CLSTN2: variants seen among roughly 807,000 people sequenced by gnomAD.
CLSTN2 encodes the protein calsyntenin 2.
Under a neutral mutation model 101.2 loss-of-function variants are expected in CLSTN2, and 48 were observed. That is an observed-to-expected ratio of 0.47 (90% CI 0.38 to 0.60). The LOEUF is 0.60. Among genes scored for constraint, CLSTN2 ranks in the 20% least tolerant of loss-of-function variants. CLSTN2 has a pLI of 0.00. For synonymous variants in CLSTN2, 481 were observed against 463.6 expected, an observed-to-expected ratio of 1.04 and a Z score of -0.48; for missense variants, 1,160 against 1,238.2, an observed-to-expected ratio of 0.94 and a Z score of 0.95.
rs527398715 is a variant in CLSTN2 at position 140,370,286 on chromosome 3, G to A, written c.233-33343G>A. On this transcript the variant is annotated intron_variant, in intron 2 of 16. Coordinates refer to ENST00000458420, the MANE Select transcript of CLSTN2 (RefSeq NM_022131.3). ...CTCATGTCAGTCAAGGTGCAGAATC[G>A]CTGGTCCCAAGGAAGTCAGTCTTGT... Among the ~76,000 whole-genome samples the A allele has an allele frequency of 9.2e-5, 14 of 151,380 alleles. No homozygotes were observed. In the South Asian group the frequency reaches 1.7e-3, roughly 18 times the overall value.
Position 140,566,836 on chromosome 3 carries a change from C to T in CLSTN2, c.*583C>T, listed in dbSNP as rs1985271928. 6.5e-6 allele frequency: 1 copy of T among 153,874 alleles called. No homozygotes were observed. The highest frequency in any genetic ancestry group is 1.4e-5 in the Non-Finnish European group (1 of 69,198). 9.5% of individuals were successfully genotyped at this position (153,874 alleles called of 1,614,324 possible). On this transcript the variant is annotated 3_prime_UTR_variant, in exon 17 of 17. Coordinates refer to ENST00000458420, the MANE Select transcript of CLSTN2 (RefSeq NM_022131.3). ...TCTCTCTCTCTCTGTCTATCTAGTTCCCCAGCTTGGAGAGCCTTTCCCCTT... is the reference window on the plus strand; with the variant it reads ...TCTCTCTCTCTCTGTCTATCTAGTTTCCCAGCTTGGAGAGCCTTTCCCCTT...
In CLSTN2 at chr3:140,568,416, C is replaced by G. The variant is rs1407796411; in HGVS notation, c.*2163C>G. ...TCTCAGGGAAAAACACCAGAAGAAGCTGGGGTTTTATATTCATTGGATGGA... is the reference window on the plus strand; with the variant it reads ...TCTCAGGGAAAAACACCAGAAGAAGGTGGGGTTTTATATTCATTGGATGGA... On this transcript the variant is annotated 3_prime_UTR_variant, in exon 17 of 17. Transcript: ENST00000458420. 1 of 152,156 alleles carries G rather than the reference C, an allele frequency of 6.6e-6. No individual in the cohort carries two copies. The highest frequency in any genetic ancestry group is 1.5e-5 in the Non-Finnish European group (1 of 68,012). 9.4% of individuals were successfully genotyped at this position (152,156 alleles called of 1,614,324 possible).
chr3:140,088,535 A>C (rs1245743390), intron 1 of CLSTN2, among the ~76,000 whole-genome samples: 1 of 152,206 alleles, frequency 6.6e-6, no homozygotes, highest in African/African-American at 2.4e-5. Flanking sequence ...ACTGACATTT[A>C]AGGTCATTTG....
At chr3:140,478,399 G>C (rs943565341) in intron 8 of CLSTN2, among the ~76,000 whole-genome samples, 1 of 150,294 alleles carries the variant, frequency 6.7e-6, no homozygotes, top group East Asian at 1.9e-4. Flanking sequence ...TGTATGAAAT[G>C]CTATTCAACA....
intron 2 of CLSTN2, among the ~76,000 whole-genome samples, chr3:140,191,643 G>A (rs1209853372): frequency 1.3e-5 from 2 of 151,732 alleles, no homozygotes; most frequent in African/African-American, 2.4e-5. Context: ...TCAAAGAATT[G>A]GTCCATTTTG....
chr3:140,102,963 T>C (rs2008993587), intron 1 of CLSTN2, among the ~76,000 whole-genome samples: 1 of 152,188 alleles, frequency 6.6e-6, no homozygotes, highest in African/African-American at 2.4e-5. Flanking sequence ...TTCTTACCTT[T>C]CAAATAAGGA....
chr3:140,158,666 A>C (rs1159608026), intron 1 of CLSTN2, among the ~76,000 whole-genome samples: 1 of 152,208 alleles, frequency 6.6e-6, no homozygotes, highest in African/African-American at 2.4e-5. Context: ...CATTTTTCAC[A>C]GAATCGGAAA....
intron 1 of CLSTN2, among the ~76,000 whole-genome samples, chr3:140,162,122 G>A (rs1233765419): frequency 6.6e-6 from 1 of 152,100 alleles, no homozygotes; most frequent in African/African-American, 2.4e-5. Context: ...TATAACCTCT[G>A]GAAAACTGCT....
chr3:140,232,527 A>G (rs1201061540), intron 2 of CLSTN2, among the ~76,000 whole-genome samples: 1 of 151,982 alleles, frequency 6.6e-6, no homozygotes, highest in Non-Finnish European at 1.5e-5. Flanking sequence ...CACGACTTTG[A>G]TCACAGTTCC....
chr3:139,937,940 C>A (rs533647236), intron 1 of CLSTN2, among the ~76,000 whole-genome samples: 155 of 151,976 alleles, frequency 1.0e-3, no homozygotes, highest in African/African-American at 3.2e-3. Context: ...TATTTGATTA[C>A]AACAGAGACA....
At chr3:139,975,807 T>C (rs1935806958) in intron 1 of CLSTN2, among the ~76,000 whole-genome samples, 1 of 152,158 alleles carries the variant, frequency 6.6e-6, no homozygotes, top group Non-Finnish European at 1.5e-5. Flanking sequence ...CTCTCTGTCA[T>C]GCCACAGCCA....
chr3:140,464,575 G>A (rs945255742), intron 7 of CLSTN2, among the ~76,000 whole-genome samples: 1 of 152,210 alleles, frequency 6.6e-6, no homozygotes, highest in African/African-American at 2.4e-5. Flanking sequence ...GGAGTAGAAG[G>A]AGGAAGAAAC....
intron 2 of CLSTN2, among the ~76,000 whole-genome samples, chr3:140,380,803 T>C (rs2087972752): frequency 6.6e-6 from 1 of 152,234 alleles, no homozygotes; most frequent in South Asian, 2.1e-4. Flanking sequence ...ATGGCTGAAC[T>C]GTGCATTCCT....
chr3:140,199,805 T>A (rs924004213), intron 2 of CLSTN2, among the ~76,000 whole-genome samples: 1 of 152,204 alleles, frequency 6.6e-6, no homozygotes, highest in Non-Finnish European at 1.5e-5. Context: ...AGGAACAAAC[T>A]GAGTAAGTGC....
At chr3:140,217,083 C>G (rs1391109762) in intron 2 of CLSTN2, among the ~76,000 whole-genome samples, 1 of 152,048 alleles carries the variant, frequency 6.6e-6, no homozygotes, top group Non-Finnish European at 1.5e-5. Context: ...TGATGTGACT[C>G]CAGGGTGCAG....
At chr3:140,133,392 T>C (rs2009552054) in intron 1 of CLSTN2, among the ~76,000 whole-genome samples, 1 of 152,202 alleles carries the variant, frequency 6.6e-6, no homozygotes, top group East Asian at 1.9e-4. Flanking sequence ...CATCTCCTTA[T>C]TGACTTTGAA....
intron 1 of CLSTN2, among the ~76,000 whole-genome samples, chr3:140,017,126 G>T (rs2007218408): frequency 6.6e-6 from 1 of 152,204 alleles, no homozygotes; most frequent in Non-Finnish European, 1.5e-5. Flanking sequence ...CCATGTAGTT[G>T]TGTGGCTCGC....
At chr3:140,490,280 C>A (rs1250871418) in intron 8 of CLSTN2, among the ~76,000 whole-genome samples, 1 of 150,100 alleles carries the variant, frequency 6.7e-6, no homozygotes. Context: ...GGGTGGAGGG[C>A]CTTTAAATCT....
intron 8 of CLSTN2, among the ~76,000 whole-genome samples, chr3:140,523,339 A>G (rs349569): frequency 0.084 from 12,741 of 152,056 alleles, 540 homozygotes; most frequent in Non-Finnish European, 0.095. Context: ...CTTGCTACTC[A>G]TGGACTTTAA....
Sources: gnomAD v4.1 joint callset for allele counts (sites outside exome capture counted in the v4.1 genomes callset) on GRCh38, gnomAD v4.1.1 for gene constraint, MANE v1.5 for transcripts, NCBI Gene and HGNC (gene_info 2026-07-23, HGNC 2026-07-21) for gene names.